PRKG1: variants seen among roughly 807,000 people sequenced by gnomAD.
The protein encoded by PRKG1 is protein kinase cGMP-dependent 1, also known as cGMP-dependent protein kinase 1.
PRKG1 carries 35 observed loss-of-function variants against 88.1 expected under a neutral mutation model. The ratio of observed to expected loss-of-function variants is 0.40; its 90% CI spans 0.30 to 0.53. The LOEUF (loss-of-function observed/expected upper bound fraction) is 0.53. Ranked by LOEUF, PRKG1 falls within the 20% of genes least tolerant of loss-of-function variation. The probability of loss-of-function intolerance (pLI) is 0.59; values close to 1 mark genes in which losing one functional copy is unlikely to be tolerated. For synonymous variants in PRKG1, 303 were observed against 292.5 expected (o/e 1.04, Z -0.37); for missense variants, 540 against 839.8 (o/e 0.64, Z 4.41).
intron 3 of PRKG1, among the ~76,000 whole-genome samples, chr10:51,468,523 T>TA (rs1176421582): frequency 6.6e-5 from 10 of 151,524 alleles, no homozygotes; most frequent in African/African-American, 1.2e-4. Context: ...AAGATTTTTT[T>TA]AAAAAAAATC....
intron 3 of PRKG1, among the ~76,000 whole-genome samples, chr10:51,510,737 T>A (rs955200143): frequency 6.8e-6 from 1 of 146,948 alleles, no homozygotes; most frequent in African/African-American, 2.5e-5. Flanking sequence ...TTTCCCTGCA[T>A]TGTACTATTT....
At chr10:51,317,596 A>C (rs146614814) in intron 2 of PRKG1, among the ~76,000 whole-genome samples, 1 of 152,342 alleles carries the variant, frequency 6.6e-6, no homozygotes, top group African/African-American at 2.4e-5. Context: ...AAAGAATAAA[A>C]GTGTAAAGAG....
intron 5 of PRKG1, among the ~76,000 whole-genome samples, chr10:51,995,250 T>C (rs1264697916): frequency 3.3e-5 from 5 of 151,938 alleles, no homozygotes; most frequent in Non-Finnish European, 5.9e-5. Context: ...ATAAATTTTG[T>C]GTGTGGTAGG....
At chr10:51,657,060 A>G (rs558529923) in intron 3 of PRKG1, among the ~76,000 whole-genome samples, 1 of 152,176 alleles carries the variant, frequency 6.6e-6, no homozygotes, top group Non-Finnish European at 1.5e-5. Flanking sequence ...AAAATGGATT[A>G]ATATATGTCA....
intron 1 of PRKG1, among the ~76,000 whole-genome samples, chr10:51,050,537 A>G (rs926234774): frequency 4.6e-5 from 7 of 152,088 alleles, no homozygotes; most frequent in African/African-American, 1.4e-4. Flanking sequence ...TGTATACACC[A>G]TATTTTCTTT....
intron 3 of PRKG1, among the ~76,000 whole-genome samples, chr10:51,635,285 CAAAAA>C (rs141088007): frequency 2.8e-5 from 3 of 108,826 alleles, no homozygotes; most frequent in Non-Finnish European, 2.0e-5. Flanking sequence ...ATTATTTTAG[CAAAAA>C]AAAAAAAAAA....
chr10:51,575,525 G>A (rs1400895177), intron 3 of PRKG1, among the ~76,000 whole-genome samples: 4 of 151,844 alleles, frequency 2.6e-5, no homozygotes, highest in Non-Finnish European at 4.4e-5. Context: ...TAACTTCATC[G>A]GTGGGAAGAC....
At chr10:51,353,194 A>T (rs1169819512) in intron 2 of PRKG1, among the ~76,000 whole-genome samples, 3 of 152,180 alleles carry the variant, frequency 2.0e-5, no homozygotes, top group Non-Finnish European at 4.4e-5. Context: ...TGAAACTACC[A>T]CAAGAAAACA....
chr10:52,139,816 GGCA>G (rs1406359335), intron 8 of PRKG1, among the ~76,000 whole-genome samples: 2 of 152,038 alleles, frequency 1.3e-5, no homozygotes, highest in East Asian at 3.9e-4. Context: ...GGGGTCTCCA[GGCA>G]TGACTCTATT....
intron 2 of PRKG1, among the ~76,000 whole-genome samples, chr10:51,330,431 G>A (rs1212433799): frequency 7.9e-5 from 12 of 152,080 alleles, no homozygotes; most frequent in Non-Finnish European, 1.8e-4. Context: ...GATTACAGGC[G>A]TGAGCCACCA....
At chr10:51,953,038 C>T (rs745493450) in intron 5 of PRKG1, among the ~76,000 whole-genome samples, 2 of 152,140 alleles carry the variant, frequency 1.3e-5, no homozygotes, top group African/African-American at 4.8e-5. Flanking sequence ...CAAATGCATA[C>T]ATTTTGTAAA....
intron 8 of PRKG1, among the ~76,000 whole-genome samples, chr10:52,136,390 G>A (rs12413303): frequency 0.39 from 58,480 of 151,702 alleles, 11,911 homozygotes; most frequent in East Asian, 0.64. Context: ...GATAAGGATC[G>A]TTGTGGGAAC....
Position 51,620,962 on chromosome 10 carries a change from T to A in PRKG1, c.592+153126T>A, listed in dbSNP as rs192694549. 4.3e-3 allele frequency among the ~76,000 whole-genome samples: 642 copies of A among 149,008 alleles called. 2 individuals are homozygous for A. The highest frequency in any genetic ancestry group is 6.6e-3 in the Non-Finnish European group (444 of 67,210). ...AAGACTTATGCATTCAACTATTATG[T>A]TAAACTGATTCCGTATATGTATGTG... On this transcript the variant is annotated intron_variant, in intron 3 of 17. Transcript: ENST00000373980.
intron 9 of PRKG1, among the ~76,000 whole-genome samples, chr10:52,186,613 A>G (rs760544211): frequency 1.4e-4 from 21 of 152,060 alleles, no homozygotes; most frequent in Non-Finnish European, 2.6e-4. Flanking sequence ...TGTACATTGT[A>G]GCATGTTTAG....
intron 1 of PRKG1, among the ~76,000 whole-genome samples, chr10:51,142,454 A>G (rs1481602121): frequency 1.3e-5 from 2 of 152,026 alleles, no homozygotes; most frequent in Non-Finnish European, 2.9e-5. Context: ...TATGAGAAAG[A>G]GACAGAAAAA....
At chr10:51,338,425 A>G (rs1206476141) in intron 2 of PRKG1, among the ~76,000 whole-genome samples, 1 of 152,218 alleles carries the variant, frequency 6.6e-6, no homozygotes, top group Non-Finnish European at 1.5e-5. Context: ...AAAAATTAAA[A>G]TTAAAGAAAA....
At chr10:52,281,631 A>T (rs533228635) in intron 13 of PRKG1, among the ~76,000 whole-genome samples, 3 of 152,302 alleles carry the variant, frequency 2.0e-5, no homozygotes, top group Non-Finnish European at 2.9e-5. Context: ...AGAATACATT[A>T]TAATTTTATT....
chr10:51,608,422 T>G (rs1838821865), intron 3 of PRKG1, among the ~76,000 whole-genome samples: 1 of 152,204 alleles, frequency 6.6e-6, no homozygotes, highest in Admixed American at 6.5e-5. Flanking sequence ...GACAGGGAGT[T>G]GAAGAAACTG....
chr10:52,221,433 TA>T (rs1182974286), intron 9 of PRKG1, among the ~76,000 whole-genome samples: 4 of 152,136 alleles, frequency 2.6e-5, no homozygotes, highest in Non-Finnish European at 5.9e-5. Context: ...CACGTCTTTT[TA>T]AAAACTTAGG....
Sources: gnomAD v4.1 joint callset for allele counts (sites outside exome capture counted in the v4.1 genomes callset) on GRCh38, gnomAD v4.1.1 for gene constraint, MANE v1.5 for transcripts, NCBI Gene and HGNC (gene_info 2026-07-23, HGNC 2026-07-21) for gene names.